PIK3R3: variants seen among roughly 807,000 people sequenced by gnomAD.
PIK3R3 encodes the protein phosphatidylinositol 3-kinase regulatory subunit gamma.
A neutral mutation model predicts 62.9 loss-of-function variants in PIK3R3; 64 were observed. The observed-to-expected ratio is 1.02, with a 90% CI of 0.83 to 1.25. The LOEUF (loss-of-function observed/expected upper bound fraction) is 1.25. PIK3R3 is among the 50% of genes most tolerant of loss of function. PIK3R3 has a pLI of 0.00. For missense variants in PIK3R3, 614 were observed against 561.6 expected (o/e 1.09, Z -0.94); for synonymous variants, 165 against 189.0 (o/e 0.87, Z 1.04).
At chr1:46,140,828 GTTCT>G in the PIK3R3 span, among the ~76,000 whole-genome samples, 2 of 151,836 alleles carry the variant, frequency 1.3e-5, no homozygotes, top group African/African-American at 4.8e-5. Context: ...GGTTTTTTTT[GTTCT>G]TTGTTTTTTG....
At chr1:46,159,557 A>G in the PIK3R3 span, among the ~76,000 whole-genome samples, 2 of 152,182 alleles carry the variant, frequency 1.3e-5, no homozygotes, top group Non-Finnish European at 2.9e-5. Flanking sequence ...CCTCATTCCC[A>G]AAGATTCCCC....
the PIK3R3 span, among the ~76,000 whole-genome samples, chr1:46,155,369 G>A: frequency 5.3e-5 from 8 of 150,970 alleles, no homozygotes; most frequent in East Asian, 1.9e-4. Context: ...GAAACTCTGC[G>A]GAGTCAGATA....
chr1:46,073,043 A>G (rs1649692974), intron 3 of PIK3R3, among the ~76,000 whole-genome samples: 1 of 152,104 alleles, frequency 6.6e-6, no homozygotes, highest in Non-Finnish European at 1.5e-5. Flanking sequence ...AGATACAGCA[A>G]TCATTAAACA....
rs541675530 is a variant in PIK3R3 at position 46,055,289 on chromosome 1, G to A, written c.941+506C>T. ...ACGCCCAGCTAATTTTGTATTTTTA[G>A]TAGAAACGGAGTTTCACTATGTTGG... On this transcript the variant is annotated intron_variant, in intron 7 of 9. Transcript: ENST00000262741. Among the ~76,000 whole-genome samples the A allele has an allele frequency of 8.5e-5, 13 of 152,174 alleles. 1 individual carries two copies. In the South Asian group the frequency reaches 2.3e-3, roughly 27 times the overall value.
chr1:46,174,391 C>G, the PIK3R3 span, among the ~76,000 whole-genome samples: 2 of 152,112 alleles, frequency 1.3e-5, no homozygotes, highest in African/African-American at 2.4e-5. Context: ...CTCAACCCCC[C>G]TCAGGGTCCC....
At chr1:46,086,065 A>G (rs1368832056) in intron 1 of PIK3R3, among the ~76,000 whole-genome samples, 4 of 152,220 alleles carry the variant, frequency 2.6e-5, no homozygotes, top group Admixed American at 6.5e-5. Context: ...TTAAAATATT[A>G]GCAATACAGA....
chr1:46,126,516 C>T (rs1179084656), intron 1 of PIK3R3, among the ~76,000 whole-genome samples: 2 of 136,076 alleles, frequency 1.5e-5, no homozygotes, highest in Admixed American at 1.6e-4. Context: ...CCACTCTGGG[C>T]AAAAGAGTGA....
intron 6 of PIK3R3, chr1:46,057,023 T>C (rs1251832208): frequency 6.6e-6 from 1 of 152,218 alleles, no homozygotes; most frequent in Admixed American, 6.5e-5. Context: ...CTCACCCAAA[T>C]CTCATCTTGA....
In PIK3R3 at chr1:46,118,354, T is replaced by C. The variant is rs77930702; in HGVS notation, c.106+13493A>G. ...CAGCTTGACTGTTGCAATAGCCTCC[T>C]AACCAGTTTCTCTAATTCTACCTTT... is the stretch of plus-strand genomic sequence containing the variant. On this transcript the variant is annotated intron_variant, in intron 1 of 9. Transcript: ENST00000262741. Among the ~76,000 whole-genome samples, 564 of 152,218 alleles carry C rather than the reference T, an allele frequency of 3.7e-3. 6 individuals are homozygous for C. The highest frequency in any genetic ancestry group is 0.027 in the East Asian group (140 of 5,172).
intron 3 of PIK3R3, among the ~76,000 whole-genome samples, chr1:46,073,147 G>GAATT (rs1649704420): frequency 6.6e-6 from 1 of 152,060 alleles, no homozygotes; most frequent in Non-Finnish European, 1.5e-5. Flanking sequence ...CCCATACAGT[G>GAATT]AATTAGTCAA....
intron 7 of PIK3R3, among the ~76,000 whole-genome samples, chr1:46,054,397 CAAAA>C (rs10649671): frequency 7.5e-5 from 6 of 80,048 alleles, no homozygotes; most frequent in Non-Finnish European, 9.1e-5. Flanking sequence ...CTCCGCCTCA[CAAAA>C]AAAAAAAAAA....
intron 1 of PIK3R3, among the ~76,000 whole-genome samples, chr1:46,091,627 T>C (rs568466044): frequency 6.6e-6 from 1 of 152,266 alleles, no homozygotes; most frequent in South Asian, 2.1e-4. Context: ...TAATTCATTG[T>C]AATAATCTCC....
intron 1 of PIK3R3, among the ~76,000 whole-genome samples, chr1:46,102,742 C>CA (rs986424612): frequency 1.5e-5 from 2 of 130,790 alleles, no homozygotes; most frequent in South Asian, 5.3e-4. Flanking sequence ...GGAGGTTCCT[C>CA]AAAAAAAATT....
At chr1:46,133,420 A>G (rs754944215), upstream of PIK3R3, among the ~76,000 whole-genome samples, 2 of 152,178 alleles carry the variant, frequency 1.3e-5, no homozygotes, top group South Asian at 2.1e-4. Context: ...GGGAGCGGAC[A>G]CAGAGGGGGC....
In PIK3R3 at chr1:46,113,934, T is replaced by C. The variant is rs534952598; in HGVS notation, c.106+17913A>G. On this transcript the variant is annotated intron_variant, in intron 1 of 9. Transcript: ENST00000262741. ...TAGGTAGTACAGTATCTATTAAAAA[T>C]ATATCTTAGATGACAGGAGAAAGAG... Among the ~76,000 whole-genome samples, 22 of 152,304 alleles carry C rather than the reference T, an allele frequency of 1.4e-4. 1 individual carries two copies. The South Asian group carries it at 3.1e-3, about 22-fold the overall frequency.
At chr1:46,102,803 T>TAAAAAAAAAAAAAAAA (rs33975572) in intron 1 of PIK3R3, among the ~76,000 whole-genome samples, 1 of 55,766 alleles carries the variant, frequency 1.8e-5, no homozygotes, top group Non-Finnish European at 3.0e-5. Flanking sequence ...GTATATATCT[T>TAAAAAAAAAAAAAAAA]AAAAAAAAAA....
the PIK3R3 span, among the ~76,000 whole-genome samples, chr1:46,166,913 A>AC: frequency 4.6e-5 from 7 of 152,216 alleles, no homozygotes; most frequent in Non-Finnish European, 8.8e-5. Flanking sequence ...AGACCTCGAG[A>AC]CCAGGGTCCA....
chr1:46,095,647 T>C (rs1387512324), intron 1 of PIK3R3, among the ~76,000 whole-genome samples: 1 of 152,132 alleles, frequency 6.6e-6, no homozygotes, highest in East Asian at 1.9e-4. Flanking sequence ...CCTGCACATG[T>C]ACCCCTGAAC....
At chr1:46,112,853 A>C (rs2149456884) in intron 1 of PIK3R3, among the ~76,000 whole-genome samples, 1 of 152,296 alleles carries the variant, frequency 6.6e-6, no homozygotes, top group South Asian at 2.1e-4. Context: ...ATTTTTATGT[A>C]AGAGGCCATA....
Sources: allele counts gnomAD v4.1 joint callset (sites outside exome capture counted in the v4.1 genomes callset), GRCh38; gene constraint gnomAD v4.1.1; transcripts MANE v1.5; gene names NCBI Gene and HGNC (gene_info 2026-07-23, HGNC 2026-07-21).